RNF17: variants seen among roughly 807,000 people sequenced by gnomAD.
RNF17 encodes the protein spermatogenesis associated 23.
A neutral mutation model predicts 200.5 loss-of-function variants in RNF17; 31 were observed. That is an observed-to-expected ratio of 0.15 (90% CI 0.12 to 0.21). The LOEUF (loss-of-function observed/expected upper bound fraction) is 0.21. RNF17 is among the 10% of genes least tolerant of loss of function. The pLI is 1.00. For synonymous variants in RNF17, 606 were observed against 637.8 expected, an observed-to-expected ratio of 0.95 and a Z score of 0.75; for missense variants, 1,628 against 1,905.1, an observed-to-expected ratio of 0.85 and a Z score of 2.71.
At chr13:24,868,237 G>A (rs1281254429) in intron 30 of RNF17, among the ~76,000 whole-genome samples, 6 of 151,780 alleles carry the variant, frequency 4.0e-5, no homozygotes, top group Non-Finnish European at 8.8e-5. Flanking sequence ...TTGGGAGGCC[G>A]AGGCGGGCGG....
At chr13:24,791,617 T>C (rs568087990) in intron 9 of RNF17, among the ~76,000 whole-genome samples, 1 of 152,268 alleles carries the variant, frequency 6.6e-6, no homozygotes, top group South Asian at 2.1e-4. Flanking sequence ...AAATAAGTTC[T>C]TTCATTGTAG....
intron 2 of RNF17, 100 bp from the exon 3 acceptor site, chr13:24,774,713 C>T: frequency 1.7e-6 from 1 of 597,388 alleles, no homozygotes; most frequent in Non-Finnish European, 2.9e-6. Context: ...TTAAGGTTAT[C>T]ATTAACTTTA....
At chr13:24,879,098 T>C (rs924819351) in intron 34 of RNF17, 89 bp from the exon 35 acceptor site, 34 of 946,850 alleles carry the variant, frequency 3.6e-5, no homozygotes, top group Non-Finnish European at 5.7e-5. Context: ...GAGAACACCT[T>C]TTCACACCCG....
intron 6 of RNF17, among the ~76,000 whole-genome samples, chr13:24,782,349 G>GTT (rs372041506): frequency 2.7e-5 from 4 of 148,024 alleles, no homozygotes; most frequent in African/African-American, 7.4e-5. Context: ...CTAATTTTGT[G>GTT]TTTTTTTTTT....
At chr13:24,759,103 A>G in the RNF17 span, among the ~76,000 whole-genome samples, 3 of 149,078 alleles carry the variant, frequency 2.0e-5, no homozygotes, top group Admixed American at 2.0e-4. Flanking sequence ...AAAAAAAAAA[A>G]CAACACTTAC....
chr13:24,827,233 AT>A (rs1042870744), intron 16 of RNF17, among the ~76,000 whole-genome samples: 1 of 151,856 alleles, frequency 6.6e-6, no homozygotes, highest in East Asian at 2.0e-4. Context: ...GTGCCGGGCA[AT>A]TTTTTTTACT....
At chr13:24,855,577 C>T (rs1002740832) in intron 25 of RNF17, among the ~76,000 whole-genome samples, 1 of 151,622 alleles carries the variant, frequency 6.6e-6, no homozygotes, top group African/African-American at 2.4e-5. Flanking sequence ...GCAGTGAGCC[C>T]AGATCGTGCC....
chr13:24,856,775 T>C (rs941967732), intron 25 of RNF17, among the ~76,000 whole-genome samples: 1 of 152,244 alleles, frequency 6.6e-6, no homozygotes, highest in Non-Finnish European at 1.5e-5. Context: ...ATACTACTTT[T>C]AGTGTGTATA....
downstream of RNF17, among the ~76,000 whole-genome samples, chr13:24,883,534 G>GTGAT (rs1312107450): frequency 6.6e-6 from 1 of 152,102 alleles, no homozygotes; most frequent in African/African-American, 2.4e-5. Flanking sequence ...CTGCTTCATG[G>GTGAT]TGATAGTTCC....
intron 15 of RNF17, among the ~76,000 whole-genome samples, chr13:24,812,504 C>T (rs1350607548): frequency 1.6e-4 from 24 of 151,882 alleles, no homozygotes; most frequent in East Asian, 3.9e-4. Context: ...CTTCGGCTCA[C>T]GCATGGTGCA....
intron 30 of RNF17, among the ~76,000 whole-genome samples, chr13:24,867,566 T>C (rs1035606130): frequency 6.6e-6 from 1 of 150,836 alleles, no homozygotes; most frequent in African/African-American, 2.5e-5. Context: ...AGGTTCAAAC[T>C]TTTTTTTTGT....
downstream of RNF17, chr13:24,884,402 T>TCC: frequency 6.2e-7 from 1 of 1,614,082 alleles, no homozygotes; most frequent in Non-Finnish European, 8.5e-7. Context: ...TGCACTCACT[T>TCC]CCTTTCGAGT....
At chr13:24,881,756 A>C (rs1293299819), downstream of RNF17, among the ~76,000 whole-genome samples, 1 of 146,366 alleles carries the variant, frequency 6.8e-6, no homozygotes, top group Non-Finnish European at 1.5e-5. Flanking sequence ...TGAGGTCAGG[A>C]GTTTGAGACC....
chr13:24,824,162 T>C (rs1888387525), intron 15 of RNF17: 1 of 709,130 alleles, frequency 1.4e-6, no homozygotes, highest in South Asian at 1.5e-5. Flanking sequence ...TCATTAGGCT[T>C]CTTGGTTACT....
chr13:24,822,526 A>G (rs1264526414), intron 15 of RNF17, among the ~76,000 whole-genome samples: 2 of 152,100 alleles, frequency 1.3e-5, no homozygotes, highest in East Asian at 3.9e-4. Context: ...GGTTCAAGCA[A>G]TTCTTCTGGC....
intron 29 of RNF17, among the ~76,000 whole-genome samples, chr13:24,865,834 A>G (rs1441471249): frequency 6.6e-6 from 1 of 152,126 alleles, no homozygotes; most frequent in Non-Finnish European, 1.5e-5. Context: ...AACACGTTTT[A>G]TAAAGATTAC....
intron 15 of RNF17, among the ~76,000 whole-genome samples, chr13:24,806,939 A>C (rs1322794678): frequency 1.3e-5 from 2 of 151,388 alleles, no homozygotes; most frequent in Non-Finnish European, 2.9e-5. Flanking sequence ...GAGAATGATG[A>C]TTTCCAGTTT....
chr13:24,761,990 G>A (rs4770734), upstream of RNF17, among the ~76,000 whole-genome samples: 22,535 of 152,212 alleles, frequency 0.15, 2,196 homozygotes, highest in Admixed American at 0.27. Flanking sequence ...AAAGAGGCTT[G>A]CTACATGCTA....
chr13:24,764,992 A>G (rs1470444207), intron 1 of RNF17, among the ~76,000 whole-genome samples: 1 of 151,060 alleles, frequency 6.6e-6, no homozygotes, highest in Admixed American at 6.6e-5. Flanking sequence ...AATCTACTCA[A>G]GTGATCACAG....
Sources: gnomAD v4.1 joint callset for allele counts (sites outside exome capture counted in the v4.1 genomes callset) on GRCh38, gnomAD v4.1.1 for gene constraint, MANE v1.5 for transcripts, NCBI Gene and HGNC (gene_info 2026-07-23, HGNC 2026-07-21) for gene names.